Variants in ATP6V1B2 observed in about 807,000 individuals in gnomAD.
ATP6V1B2 encodes the protein ATPase H+ transporting V1 subunit B2.
A neutral mutation model predicts 66.7 loss-of-function variants in ATP6V1B2; 23 were observed. The ratio of observed to expected loss-of-function variants is 0.34; its 90% CI spans 0.25 to 0.49. The LOEUF is 0.49. Among genes scored for constraint, ATP6V1B2 ranks in the 20% least tolerant of loss-of-function variants. The pLI is 0.99. For missense variants in ATP6V1B2, 478 were observed against 650.8 expected (o/e 0.73, Z 2.89); for synonymous variants, 278 against 236.7 (o/e 1.17, Z -1.60).
chr8:20,198,380 G>C (rs1276168014), intron 1 of ATP6V1B2, among the ~76,000 whole-genome samples: 1 of 152,236 alleles, frequency 6.6e-6, no homozygotes, highest in Non-Finnish European at 1.5e-5. Flanking sequence ...TAGGTGGTGT[G>C]TGTGCATAGG....
rs751041922 is a variant in ATP6V1B2 at position 20,217,307 on chromosome 8, G to A, written c.1249G>A (p.Asp417Asn). The A allele has an allele frequency of 2.5e-6, 4 of 1,610,826 alleles. No individual in the cohort carries two copies. The highest frequency in any genetic ancestry group is 1.1e-5 in the South Asian group (1 of 91,004). The change falls in exon 12 of 14, where the codon GAT becomes AAT. Residue 417 changes from aspartate (D) to asparagine (N), a missense_variant. This residue lies in a region of ATP6V1B2 where 326 missense variants were observed against 545.6 expected (regional missense o/e 0.60). Coordinates refer to ENST00000276390, the MANE Select transcript of ATP6V1B2 (RefSeq NM_001693.4). Reference sequence around the variant, plus strand: ...AGGGATGACCAGGAAGGATCATGCCGATGTATCTAACCAGCTAGTATGTAC... The same window carrying A: ...AGGGATGACCAGGAAGGATCATGCCAATGTATCTAACCAGCTAGTATGTAC... The part of the protein sequence containing the change: ...GEGMTRKDHA[D>N]VSNQLYACYA...
At chr8:20,214,130 G>C (rs17092162) in intron 9 of ATP6V1B2, 6,650 of 152,262 alleles carry the variant, frequency 0.044, 173 homozygotes, top group East Asian at 0.067. Context: ...TGTCAGAGTA[G>C]CACTTAGAAG....
rs775016133 is a variant in ATP6V1B2, at chr8:20,210,443, A to G, written c.385+4A>G. ...CCGGTGTCTGAGGATATGCTTGGTAAATGGATATTATTCATTCTAAGCCGA... is the reference window on the plus strand; with the variant it reads ...CCGGTGTCTGAGGATATGCTTGGTAGATGGATATTATTCATTCTAAGCCGA... On this transcript the variant is annotated splice_donor_region_variant and intron_variant, in intron 4 of 13. Transcript: ENST00000276390. The G allele has an allele frequency of 6.2e-7, 1 of 1,612,542 alleles. No individual in the cohort carries two copies. The highest frequency in any genetic ancestry group is 1.1e-5 in the South Asian group (1 of 91,050).
Position 20,215,182 on chromosome 8 carries a change from A to C in ATP6V1B2, c.1078+214A>C. On this transcript the variant is annotated intron_variant, in intron 10 of 13. Coordinates refer to ENST00000276390, the MANE Select transcript of ATP6V1B2 (RefSeq NM_001693.4). ...ATTTTCTTCATAATTTAAGTTTTTA[A>C]CTTTATTAGGTACTATTGAGTGCCT... is the stretch of plus-strand genomic sequence containing the variant. 3 of 502,994 alleles carry C rather than the reference A, an allele frequency of 6.0e-6. No individual in the cohort carries two copies. In the South Asian group the frequency reaches 9.4e-5, roughly 16 times the overall value. 31.2% of individuals were successfully genotyped at this position (502,994 alleles called of 1,614,324 possible). A position where few individuals can be genotyped will look rare whatever the true frequency, so the allele number is the denominator to read the frequency against.
chr8:20,210,499 A>G lies in ATP6V1B2; in HGVS notation c.385+60A>G, dbSNP rs564839088. 6.2e-6 allele frequency: 10 copies of G among 1,606,976 alleles called. No individual in the cohort carries two copies. In the East Asian group the frequency reaches 2.2e-4, roughly 36 times the overall value. On this transcript the variant is annotated intron_variant, in intron 4 of 13. Transcript: ENST00000276390. ...GTTTCCTTTTAAACATATTTCCATA[A>G]TGTCTTTTAAAAATTATGAACATTT...
intron 2 of ATP6V1B2, among the ~76,000 whole-genome samples, chr8:20,204,815 G>C (rs897391670): frequency 6.6e-5 from 10 of 152,122 alleles, no homozygotes; most frequent in African/African-American, 1.2e-4. Context: ...GGGTGGGTCA[G>C]GGAGAGGCAT....
intron 2 of ATP6V1B2, among the ~76,000 whole-genome samples, chr8:20,209,032 C>G (rs2072765780): frequency 6.6e-6 from 1 of 152,036 alleles, no homozygotes; most frequent in Non-Finnish European, 1.5e-5. Context: ...TTTATTCTTC[C>G]CCTGTCAACC....
chr8:20,220,560 T>C lies in ATP6V1B2; in HGVS notation c.*158T>C, dbSNP rs565524631. 30 of 1,072,076 alleles carry C rather than the reference T, an allele frequency of 2.8e-5. No individual in the cohort carries two copies. The South Asian group carries it at 5.9e-4, about 21-fold the overall frequency. The allele number at this position is 1,072,076 out of a possible 1,614,324, so 66.4% of individuals were successfully genotyped here. A position where few individuals can be genotyped will look rare whatever the true frequency, so the allele number is the denominator to read the frequency against. On this transcript the variant is annotated 3_prime_UTR_variant, in exon 14 of 14. Transcript: ENST00000276390. ...AACATATTGTGCCAGTGTTGCAACG[T>C]TTTAAACTGCTAACAGACCTTAAAA...
chr8:20,214,829 C>A lies in ATP6V1B2; in HGVS notation c.939C>A (p.Ala313=). Residue 313 remains alanine, a synonymous_variant, in exon 10 of 14, where the codon GCC becomes GCA. Coordinates refer to ENST00000276390, the MANE Select transcript of ATP6V1B2 (RefSeq NM_001693.4). ...TGACCTGCTGTCAGGTTTCAGCAGC[C>A]AGGGAAGAGGTACCTGGTCGACGAG... ...YAEALREVSA[A]REEVPGRRGF... is the part of the protein sequence containing the mutation. 6.2e-7 allele frequency: 1 copy of A among 1,611,018 alleles called. No homozygotes were observed. Among genetic ancestry groups the A allele is most frequent in the South Asian group, 1.1e-5 (1 of 90,748 alleles).
At position 20,220,280 on chromosome 8, in the gene ATP6V1B2, A is replaced by C. The variant is rs1301703945; in HGVS notation, c.1414A>C (p.Thr472Pro). 6.3e-7 allele frequency: 1 copy of C among 1,597,472 alleles called. No individual in the cohort carries two copies. Among genetic ancestry groups the C allele is most frequent in the East Asian group, 2.2e-5 (1 of 44,650 alleles). ...TTTTTAAGGTCCTTACGAAAATCGCACTGTCTTTGAGACTTTGGACATTGG... is the reference window on the plus strand; with the variant it reads ...TTTTTAAGGTCCTTACGAAAATCGCCCTGTCTTTGAGACTTTGGACATTGG... Reference protein sequence around the residue: ...FIAQGPYENRTVFETLDIGWQ... With the variant: ...FIAQGPYENRPVFETLDIGWQ... The change falls in exon 14 of 14, where the codon ACT becomes CCT. Residue 472 changes from threonine (T) to proline (P), a missense_variant. Physicochemically the swap from Thr to Pro is conservative, Grantham distance 38 (BLOSUM62 -1). Transcript: ENST00000276390.
At chr8:20,199,839 G>A (rs2072666995) in intron 1 of ATP6V1B2, among the ~76,000 whole-genome samples, 1 of 152,058 alleles carries the variant, frequency 6.6e-6, no homozygotes, top group Non-Finnish European at 1.5e-5. Context: ...GCGAACTCCT[G>A]AGCTCAGGCA....
intron 2 of ATP6V1B2, among the ~76,000 whole-genome samples, chr8:20,207,328 G>T (rs1392936322): frequency 6.6e-6 from 1 of 152,090 alleles, no homozygotes; most frequent in Non-Finnish European, 1.5e-5. Flanking sequence ...AAGGCCATGG[G>T]GGACACTGTG....
intron 5 of ATP6V1B2, 150 bp from the exon 6 acceptor site, chr8:20,211,027 A>G: frequency 9.4e-7 from 1 of 1,058,362 alleles, no homozygotes; most frequent in Non-Finnish European, 1.3e-6. Context: ...ATATTTGAAA[A>G]ATAACTGATT....
intron 13 of ATP6V1B2, among the ~76,000 whole-genome samples, 185 bp from the exon 14 acceptor site, chr8:20,220,078 G>A (rs567480861): frequency 2.0e-5 from 3 of 152,030 alleles, no homozygotes; most frequent in Admixed American, 2.0e-4. Flanking sequence ...CTCTTCTCTG[G>A]TTCCTTATGA....
chr8:20,214,668 G>T, intron 9 of ATP6V1B2, 150 bp from the exon 10 acceptor site: 2 of 858,722 alleles, frequency 2.3e-6, no homozygotes, highest in Non-Finnish European at 3.1e-6. Flanking sequence ...ATGTTGCCGG[G>T]AGATTTTTCT....
At chr8:20,218,304 A>C (rs1311396887) in intron 13 of ATP6V1B2, 22 bp downstream of exon 13, 1 of 1,606,210 alleles carries the variant, frequency 6.2e-7, no homozygotes, top group South Asian at 1.1e-5. Context: ...GTTGGCTTAC[A>C]AACATAAAAA....
chr8:20,215,655 A>C (rs1467326459), intron 10 of ATP6V1B2: 1 of 152,156 alleles, frequency 6.6e-6, no homozygotes, highest in Non-Finnish European at 1.5e-5. Flanking sequence ...GGGAGGTCAA[A>C]TGATTTGTTG....
chr8:20,219,548 C>T (rs1180397155), intron 13 of ATP6V1B2, among the ~76,000 whole-genome samples: 1 of 152,136 alleles, frequency 6.6e-6, no homozygotes, highest in South Asian at 2.1e-4. Context: ...ATGCATCAGG[C>T]TGTACACTTA....
chr8:20,216,659 G>T (rs1462938926), intron 11 of ATP6V1B2, 164 bp downstream of exon 11: 3 of 573,884 alleles, frequency 5.2e-6, no homozygotes, highest in East Asian at 6.2e-5. Context: ...AAATTCTGGT[G>T]TCGGCAGAGC....
Sources: gnomAD v4.1 joint callset for allele counts (sites outside exome capture counted in the v4.1 genomes callset) on GRCh38, gnomAD v4.1.1 for gene constraint, gnomAD v4.1.1 regional missense constraint, MANE v1.5 for transcripts, NCBI Gene and HGNC (gene_info 2026-07-23, HGNC 2026-07-21) for gene names.